CNTNAP2: variants seen among roughly 807,000 people sequenced by gnomAD.
The protein encoded by CNTNAP2 is contactin associated protein 2, also known as contactin-associated protein-like 2.
In CNTNAP2, 98 loss-of-function variants were observed where a neutral mutation model predicts 155.2. The ratio of observed to expected loss-of-function variants is 0.63; its 90% CI spans 0.54 to 0.75. CNTNAP2 has a LOEUF of 0.75. Among genes scored for constraint, CNTNAP2 ranks in the 30% least tolerant of loss-of-function variants. The pLI, the probability that CNTNAP2 is intolerant of heterozygous loss-of-function variation, is 0.00. For synonymous variants in CNTNAP2, 651 were observed against 631.2 expected, an observed-to-expected ratio of 1.03 and a Z score of -0.47; for missense variants, 1,727 against 1,688.1, an observed-to-expected ratio of 1.02 and a Z score of -0.40.
intron 1 of CNTNAP2, among the ~76,000 whole-genome samples, chr7:146,316,529 C>T (rs779799996): frequency 4.0e-5 from 6 of 151,710 alleles, no homozygotes; most frequent in African/African-American, 9.7e-5. Flanking sequence ...ATTAGGACCC[C>T]GGGGGTGATA....
At chr7:147,731,752 G>GACATCTA (rs1796743851) in intron 13 of CNTNAP2, among the ~76,000 whole-genome samples, 2 of 152,072 alleles carry the variant, frequency 1.3e-5, no homozygotes, top group Admixed American at 1.3e-4. Context: ...GAAACTACTG[G>GACATCTA]AAAGGACCCA....
chr7:148,410,065 AAAAGAAAGAAAG>A (rs71188983), intron 23 of CNTNAP2, among the ~76,000 whole-genome samples: 1 of 59,172 alleles, frequency 1.7e-5, no homozygotes, highest in Non-Finnish European at 3.2e-5. Context: ...AAAAAAAAAA[AAAAGAAAGAAAG>A]AAAGAATATA....
At chr7:147,648,211 G>A (rs1795398471) in intron 13 of CNTNAP2, among the ~76,000 whole-genome samples, 1 of 152,166 alleles carries the variant, frequency 6.6e-6, no homozygotes, top group African/African-American at 2.4e-5. Context: ...GATTAAAGAT[G>A]TAAGACAGAA....
chr7:148,385,746 T>TTTGTTTGTTTGTTTGTTTG (rs1563067651), intron 22 of CNTNAP2, among the ~76,000 whole-genome samples: 1 of 103,742 alleles, frequency 9.6e-6, no homozygotes, highest in African/African-American at 3.6e-5. Context: ...GTTTTTTTTT[T>TTTGTTTGTTTGTTTGTTTG]TTTTTTTTTT....
At chr7:146,316,234 T>C (rs1340455652) in intron 1 of CNTNAP2, among the ~76,000 whole-genome samples, 1 of 152,166 alleles carries the variant, frequency 6.6e-6, no homozygotes, top group African/African-American at 2.4e-5. Context: ...CTTCATAACA[T>C]TTTTATTTTA....
At chr7:146,149,879 GAAAA>G (rs377385260) in intron 1 of CNTNAP2, among the ~76,000 whole-genome samples, 1 of 59,514 alleles carries the variant, frequency 1.7e-5, no homozygotes, top group African/African-American at 6.7e-5. Context: ...TAGCCACAAA[GAAAA>G]AAAAAAAAAA....
intron 14 of CNTNAP2, among the ~76,000 whole-genome samples, chr7:147,950,204 G>A (rs1800900955): frequency 6.6e-6 from 1 of 151,838 alleles, no homozygotes; most frequent in African/African-American, 2.4e-5. Context: ...AATTGACTTT[G>A]CAAGCTGAAG....
At chr7:147,926,678 T>C (rs1800404111) in intron 14 of CNTNAP2, among the ~76,000 whole-genome samples, 1 of 152,154 alleles carries the variant, frequency 6.6e-6, no homozygotes, top group East Asian at 1.9e-4. Context: ...CCAAAGTTTA[T>C]CTTATAAACA....
intron 6 of CNTNAP2, among the ~76,000 whole-genome samples, chr7:147,126,744 A>T (rs1035064110): frequency 1.1e-4 from 17 of 152,198 alleles, no homozygotes; most frequent in African/African-American, 4.1e-4. Flanking sequence ...AAGTGCTGGG[A>T]TTACAGGTGT....
At chr7:148,181,639 A>C (rs1795038908) in intron 18 of CNTNAP2, among the ~76,000 whole-genome samples, 1 of 152,066 alleles carries the variant, frequency 6.6e-6, no homozygotes, top group Non-Finnish European at 1.5e-5. Context: ...TCAGTGCAGA[A>C]AAAGCAAGTC....
At chr7:147,430,280 G>T (rs1196288032) in intron 10 of CNTNAP2, among the ~76,000 whole-genome samples, 2 of 152,142 alleles carry the variant, frequency 1.3e-5, no homozygotes, top group Non-Finnish European at 2.9e-5. Context: ...TGAGGTCACA[G>T]CCTAGGAAGA....
intron 9 of CNTNAP2, among the ~76,000 whole-genome samples, chr7:147,351,382 C>T (rs1415577610): frequency 6.6e-6 from 1 of 151,266 alleles, no homozygotes; most frequent in Non-Finnish European, 1.5e-5. Context: ...TAGAACAACG[C>T]ATAGTTTATA....
chr7:146,199,471 A>G (rs1175161097), intron 1 of CNTNAP2, among the ~76,000 whole-genome samples: 1 of 152,184 alleles, frequency 6.6e-6, no homozygotes, highest in African/African-American at 2.4e-5. Flanking sequence ...ATAGAGATCA[A>G]GGTGGGAGTA....
intron 10 of CNTNAP2, among the ~76,000 whole-genome samples, chr7:147,478,124 T>C (rs950413640): frequency 1.2e-4 from 18 of 152,108 alleles, no homozygotes; most frequent in African/African-American, 3.4e-4. Context: ...GATATGTATA[T>C]TTGTTGTTTT....
intron 15 of CNTNAP2, among the ~76,000 whole-genome samples, chr7:148,071,830 G>C (rs550299672): frequency 1.3e-5 from 2 of 152,206 alleles, no homozygotes; most frequent in South Asian, 4.1e-4. Flanking sequence ...CCTGCTTGAG[G>C]CTTATTTATT....
intron 17 of CNTNAP2, among the ~76,000 whole-genome samples, chr7:148,163,985 A>G (rs1432896571): frequency 1.3e-5 from 2 of 152,184 alleles, no homozygotes; most frequent in African/African-American, 4.8e-5. Flanking sequence ...CCCAGGCTGG[A>G]GTGCCGTGGC....
At chr7:146,146,655 G>T (rs1407559736) in intron 1 of CNTNAP2, among the ~76,000 whole-genome samples, 1 of 151,876 alleles carries the variant, frequency 6.6e-6, no homozygotes, top group African/African-American at 2.4e-5. Context: ...TATTTATAAA[G>T]TAGTGAGCTA....
intron 1 of CNTNAP2, among the ~76,000 whole-genome samples, chr7:146,631,854 G>C (rs993097077): frequency 5.3e-5 from 8 of 151,906 alleles, no homozygotes; most frequent in African/African-American, 1.9e-4. Flanking sequence ...ACTCTCTTTT[G>C]TTGTTGTTCT....
chr7:147,595,975 TG>T (rs1240931338), intron 12 of CNTNAP2, among the ~76,000 whole-genome samples: 2 of 152,232 alleles, frequency 1.3e-5, no homozygotes, highest in African/African-American at 4.8e-5. Context: ...TTTGATTTTT[TG>T]TTTTTTTTGG....
Sources: allele counts gnomAD v4.1 joint callset (sites outside exome capture counted in the v4.1 genomes callset), GRCh38; gene constraint gnomAD v4.1.1; transcripts MANE v1.5; gene names NCBI Gene and HGNC (gene_info 2026-07-23, HGNC 2026-07-21).